Variants in ATP6V1H observed in about 807,000 individuals in gnomAD.
The protein encoded by ATP6V1H is V-type proton ATPase subunit H.
Under a neutral mutation model 71.7 loss-of-function variants are expected in ATP6V1H, and 39 were observed. That is an observed-to-expected ratio of 0.54 (90% CI 0.42 to 0.71). ATP6V1H has a LOEUF of 0.71. ATP6V1H is among the 30% of genes least tolerant of loss of function. The pLI is 0.00. For synonymous variants in ATP6V1H, 192 were observed against 199.3 expected (o/e 0.96, Z 0.31); for missense variants, 509 against 594.9 (o/e 0.86, Z 1.50).
chr8:53,737,976 T>C (rs1585731508), intron 13 of ATP6V1H, among the ~76,000 whole-genome samples: 1 of 152,276 alleles, frequency 6.6e-6, no homozygotes, highest in East Asian at 1.9e-4. Context: ...ACTTAACATC[T>C]GGGTGACATA....
rs527428817 is a variant in ATP6V1H at position 53,833,511 on chromosome 8, T to A, written c.114-425A>T. Among the ~76,000 whole-genome samples, 5 of 152,088 alleles carry A rather than the reference T, an allele frequency of 3.3e-5. No homozygotes were observed. In the South Asian group the frequency reaches 1.0e-3, roughly 32 times the overall value. ...AAGTCCAAAGCCACTTTATATGAAT[T>A]TCTACGACCATTTTTCTCTAGTACA... On this transcript the variant is annotated intron_variant, in intron 2 of 13. Coordinates refer to ENST00000359530, the MANE Select transcript of ATP6V1H (RefSeq NM_015941.4).
Position 53,766,545 on chromosome 8 carries a change from A to C in ATP6V1H, c.1175+3073T>G, listed in dbSNP as rs556073151. 2.2e-3 allele frequency among the ~76,000 whole-genome samples: 335 copies of C among 152,376 alleles called. 2 individuals carry two copies. The highest frequency in any genetic ancestry group is 7.8e-3 in the African/African-American group (324 of 41,592). On this transcript the variant is annotated intron_variant, in intron 11 of 13. Transcript: ENST00000359530. ...CCTTAAACTCTGACCACTGGTGAGC[A>C]GGGCAGAACAGAGCCGTATTTCTCC...
chr8:53,778,262 A>G, intron 9 of ATP6V1H, among the ~76,000 whole-genome samples: 1 of 152,342 alleles, frequency 6.6e-6, no homozygotes, highest in Non-Finnish European at 1.5e-5. Flanking sequence ...ATACAATCAT[A>G]TATAATCTAT....
At chr8:53,781,657 G>T (rs1333676109) in intron 9 of ATP6V1H, among the ~76,000 whole-genome samples, 2 of 151,842 alleles carry the variant, frequency 1.3e-5, no homozygotes, top group African/African-American at 4.8e-5. Context: ...TTTCTTCTAG[G>T]GTTTTTATGG....
At chr8:53,754,246 G>C (rs1183671407) in intron 12 of ATP6V1H, among the ~76,000 whole-genome samples, 1 of 152,142 alleles carries the variant, frequency 6.6e-6, no homozygotes, top group Non-Finnish European at 1.5e-5. Flanking sequence ...AAAAAGGAAG[G>C]CATGAGAAAT....
intron 9 of ATP6V1H, among the ~76,000 whole-genome samples, chr8:53,786,203 G>C (rs1043235513): frequency 6.6e-6 from 1 of 152,206 alleles, no homozygotes. Context: ...AAGCTTCCAG[G>C]CCGCTTCGTT....
At chr8:53,755,718 ATATATATATATATATATATATATATATT>A (rs1808014219) in intron 12 of ATP6V1H, among the ~76,000 whole-genome samples, 4 of 5,056 alleles carry the variant, frequency 7.9e-4, no homozygotes, top group African/African-American at 1.1e-3. Context: ...ATATATATAT[ATATATATATATATATATATATATATATT>A]TTTTTTTTTT....
At chr8:53,725,282 G>A (rs1456400490) in intron 13 of ATP6V1H, among the ~76,000 whole-genome samples, 6 of 152,082 alleles carry the variant, frequency 3.9e-5, no homozygotes, top group Non-Finnish European at 8.8e-5. Context: ...TCAGCCCCCT[G>A]GCCATGTGAC....
chr8:53,736,825 G>A (rs150133233), intron 13 of ATP6V1H, among the ~76,000 whole-genome samples: 1 of 152,284 alleles, frequency 6.6e-6, no homozygotes, highest in East Asian at 1.9e-4. Context: ...AAAAGAAAGA[G>A]GAAGTAAAAG....
chr8:53,734,585 G>A (rs942913793), intron 13 of ATP6V1H, among the ~76,000 whole-genome samples: 4 of 152,156 alleles, frequency 2.6e-5, no homozygotes, highest in Non-Finnish European at 5.9e-5. Flanking sequence ...AAGGAAAAAG[G>A]CTTGTTAAAC....
At chr8:53,796,021 C>T (rs1809718373) in intron 8 of ATP6V1H, among the ~76,000 whole-genome samples, 182 bp from the exon 9 acceptor site, 1 of 152,206 alleles carries the variant, frequency 6.6e-6, no homozygotes, top group African/African-American at 2.4e-5. Context: ...TACAGCTCCA[C>T]TTAACCCTCT....
chr8:53,716,871 GGAA>G (rs915367461), intron 13 of ATP6V1H, among the ~76,000 whole-genome samples: 10 of 152,146 alleles, frequency 6.6e-5, no homozygotes, highest in African/African-American at 2.2e-4. Flanking sequence ...GAACCAATTA[GGAA>G]GAAGAAAAAG....
chr8:53,771,846 G>T, intron 10 of ATP6V1H, 143 bp downstream of exon 10: 1 of 676,828 alleles, frequency 1.5e-6, no homozygotes, highest in Non-Finnish European at 2.5e-6. Flanking sequence ...TCAGAATGAT[G>T]TCTTCTCAGG....
At chr8:53,772,683 G>A (rs904418398) in intron 9 of ATP6V1H, among the ~76,000 whole-genome samples, 3 of 151,852 alleles carry the variant, frequency 2.0e-5, no homozygotes, top group Non-Finnish European at 4.4e-5. Flanking sequence ...TGCGACATTC[G>A]GGCAAATTCC....
At chr8:53,779,769 C>T (rs555740468) in intron 9 of ATP6V1H, among the ~76,000 whole-genome samples, 1 of 152,238 alleles carries the variant, frequency 6.6e-6, no homozygotes, top group South Asian at 2.1e-4. Context: ...CCTATCCTCT[C>T]CTCTAACTTT....
At chr8:53,719,771 T>C (rs957804866) in intron 13 of ATP6V1H, among the ~76,000 whole-genome samples, 2 of 152,204 alleles carry the variant, frequency 1.3e-5, no homozygotes, top group Non-Finnish European at 2.9e-5. Context: ...CTCAGAAAAC[T>C]TCATTAACTT....
intron 4 of ATP6V1H, among the ~76,000 whole-genome samples, chr8:53,826,184 GAACCAGGCACTC>G (rs1048890969): frequency 5.9e-5 from 9 of 152,050 alleles, no homozygotes; most frequent in Non-Finnish European, 5.9e-5. Context: ...AGGTTACAGG[GAACCAGGCACTC>G]ACACCCTGCT....
chr8:53,807,623 T>C (rs1810127036), intron 7 of ATP6V1H, among the ~76,000 whole-genome samples: 1 of 152,100 alleles, frequency 6.6e-6, no homozygotes, highest in Non-Finnish European at 1.5e-5. Flanking sequence ...AGTAGGTTAG[T>C]GGTTGCCAGG....
Position 53,772,022 on chromosome 8 carries a change from A to T in ATP6V1H, c.1016T>A (p.Leu339Ter). The T allele has an allele frequency of 6.2e-7, 1 of 1,614,062 alleles. No individual in the cohort carries two copies. Among genetic ancestry groups the T allele is most frequent in the African/African-American group, 1.3e-5 (1 of 75,048 alleles). ...EDISEDIKFL[L>*]EKLGESVQDL... is the part of the protein sequence containing the mutation. ...CTGGACACTCTCTCCAAGTTTTTCCAAAAGAAATTTGATATCTTCGCTGAT... is the reference window on the plus strand; with the variant it reads ...CTGGACACTCTCTCCAAGTTTTTCCTAAAGAAATTTGATATCTTCGCTGAT... Residue 339 changes from leucine (L) to a stop codon, truncating the protein, a stop_gained, in exon 10 of 14, where the codon TTG (leucine) becomes TAG (stop). Coordinates refer to ENST00000359530, the MANE Select transcript of ATP6V1H (RefSeq NM_015941.4). LOFTEE classifies it high-confidence loss of function.
Sources: gnomAD v4.1 joint callset for allele counts (sites outside exome capture counted in the v4.1 genomes callset) on GRCh38, gnomAD v4.1.1 for gene constraint, MANE v1.5 for transcripts, NCBI Gene and HGNC (gene_info 2026-07-23, HGNC 2026-07-21) for gene names.